The following SMYD3 variants were observed in gnomAD, a reference collection of about 807,000 sequenced individuals.
SMYD3 encodes the protein histone-lysine N-methyltransferase SMYD3.
Under a neutral mutation model 57.7 loss-of-function variants are expected in SMYD3, and 36 were observed. That is an observed-to-expected ratio of 0.62 (90% CI 0.48 to 0.82). The LOEUF (loss-of-function observed/expected upper bound fraction) is 0.82, where lower values mean the gene tolerates loss of function less well. Ranked by LOEUF, SMYD3 falls within the 40% of genes least tolerant of loss-of-function variation. The pLI, the probability that SMYD3 is intolerant of heterozygous loss-of-function variation, is 0.00. For missense variants in SMYD3, 515 were observed against 538.8 expected, an observed-to-expected ratio of 0.96 and a Z score of 0.44; for synonymous variants, 211 against 195.0, an observed-to-expected ratio of 1.08 and a Z score of -0.68.
intron 5 of SMYD3, among the ~76,000 whole-genome samples, chr1:246,255,979 T>TAGACAGAC (rs201080839): frequency 0.026 from 3,783 of 147,750 alleles, 100 homozygotes; most frequent in East Asian, 0.056. Context: ...GATAGATAGA[T>TAGACAGAC]AGATAGATAC....
rs538054843 is a variant in SMYD3 at position 246,453,403 on chromosome 1, T to C, written c.164+53651A>G. Reference sequence around the variant, plus strand: ...AGTGAGAATTTAGTACAGTGGTGGATTACAAAATCACATAAAACTACGATG... The same window carrying C: ...AGTGAGAATTTAGTACAGTGGTGGACTACAAAATCACATAAAACTACGATG... On this transcript the variant is annotated intron_variant, in intron 1 of 11. Coordinates refer to ENST00000490107, the MANE Select transcript of SMYD3 (RefSeq NM_001167740.2). Among the ~76,000 whole-genome samples, 6 of 152,280 alleles carry C rather than the reference T, an allele frequency of 3.9e-5. No homozygotes were observed. In the South Asian group the frequency reaches 1.2e-3, roughly 32 times the overall value.
At chr1:246,478,236 T>C (rs1300272930) in intron 1 of SMYD3, among the ~76,000 whole-genome samples, 1 of 152,240 alleles carries the variant, frequency 6.6e-6, no homozygotes, top group Non-Finnish European at 1.5e-5. Flanking sequence ...TGATAGGAGA[T>C]TTCACTGCAT....
At chr1:245,887,864 G>A (rs1328281164) in intron 8 of SMYD3, among the ~76,000 whole-genome samples, 1 of 152,150 alleles carries the variant, frequency 6.6e-6, no homozygotes, top group Non-Finnish European at 1.5e-5. Flanking sequence ...AAGAAAGAAA[G>A]GGACAAAAGG....
At chr1:246,159,091 T>C (rs1256424212) in intron 5 of SMYD3, among the ~76,000 whole-genome samples, 1 of 152,222 alleles carries the variant, frequency 6.6e-6, no homozygotes, top group African/African-American at 2.4e-5. Context: ...GGCAGTCACA[T>C]TCAATGGAGT....
At chr1:246,472,806 TCTAA>T (rs1288780886) in intron 1 of SMYD3, among the ~76,000 whole-genome samples, 3 of 150,818 alleles carry the variant, frequency 2.0e-5, no homozygotes, top group Non-Finnish European at 4.4e-5. Context: ...GGCAATCATA[TCTAA>T]CTATTTCATT....
chr1:245,939,021 C>T (rs1451029386), intron 5 of SMYD3, among the ~76,000 whole-genome samples: 1 of 151,908 alleles, frequency 6.6e-6, no homozygotes, highest in Admixed American at 6.6e-5. Context: ...TGGCCTGAGG[C>T]TATATTCCCA....
At chr1:246,138,244 C>T (rs1300967376) in intron 5 of SMYD3, among the ~76,000 whole-genome samples, 1 of 152,044 alleles carries the variant, frequency 6.6e-6, no homozygotes, top group Non-Finnish European at 1.5e-5. Context: ...ACAAGACACC[C>T]TCTTCGTATA....
rs544524057 is a variant in SMYD3 at position 246,048,492 on chromosome 1, G to A, written c.532-118555C>T. Among the ~76,000 whole-genome samples the A allele has an allele frequency of 3.9e-5, 6 of 152,268 alleles. No individual in the cohort carries two copies. The South Asian group carries it at 1.0e-3, about 26-fold the overall frequency. ...AATACTGGGTCCATTAATGGGGCAT[G>A]ACTGAATATATCACATTACAGCCAT... On this transcript the variant is annotated intron_variant, in intron 5 of 11. Transcript: ENST00000490107.
intron 1 of SMYD3, among the ~76,000 whole-genome samples, chr1:246,368,360 C>T (rs1044892207): frequency 6.6e-6 from 1 of 152,018 alleles, no homozygotes; most frequent in Non-Finnish European, 1.5e-5. Flanking sequence ...AAACCAGTTA[C>T]CAGACAGTAG....
At chr1:246,002,337 A>G (rs577067263) in intron 5 of SMYD3, among the ~76,000 whole-genome samples, 1 of 66,690 alleles carries the variant, frequency 1.5e-5, no homozygotes, top group Non-Finnish European at 3.9e-5. Flanking sequence ...GGCTCCCGCC[A>G]CCACGCCCGG....
chr1:245,898,355 A>G (rs530922051), intron 8 of SMYD3, among the ~76,000 whole-genome samples: 2 of 152,328 alleles, frequency 1.3e-5, no homozygotes, highest in South Asian at 4.1e-4. Context: ...AAGCTACTTC[A>G]AAATCTTTTG....
At chr1:246,505,924 C>T (rs2068530141) in intron 1 of SMYD3, among the ~76,000 whole-genome samples, 1 of 152,236 alleles carries the variant, frequency 6.6e-6, no homozygotes, top group Non-Finnish European at 1.5e-5. Context: ...CTTCAAGATG[C>T]TGCTCTCTCC....
intron 5 of SMYD3, among the ~76,000 whole-genome samples, chr1:246,279,318 C>G (rs1054304447): frequency 2.6e-5 from 4 of 152,028 alleles, no homozygotes; most frequent in Non-Finnish European, 4.4e-5. Flanking sequence ...GTCAGGAGTT[C>G]CAGACCAGCC....
intron 8 of SMYD3, among the ~76,000 whole-genome samples, chr1:245,873,530 G>A (rs1572563879): frequency 6.6e-6 from 1 of 152,210 alleles, no homozygotes; most frequent in East Asian, 1.9e-4. Flanking sequence ...AGTTCAGGGT[G>A]AGTTTTGTCT....
intron 2 of SMYD3, among the ~76,000 whole-genome samples, 159 bp from the exon 3 acceptor site, chr1:246,335,633 A>C (rs1332048230): frequency 1.3e-5 from 2 of 152,254 alleles, no homozygotes; most frequent in Non-Finnish European, 2.9e-5. Flanking sequence ...AAAATAATCC[A>C]GGATGAGTCT....
chr1:245,984,982 AAC>A (rs1394796889), intron 5 of SMYD3, among the ~76,000 whole-genome samples: 1 of 151,982 alleles, frequency 6.6e-6, no homozygotes, highest in Non-Finnish European at 1.5e-5. Flanking sequence ...ACATGAACTT[AAC>A]AGTTTCCAGG....
intron 3 of SMYD3, among the ~76,000 whole-genome samples, chr1:246,331,934 C>A (rs910722406): frequency 1.3e-4 from 20 of 151,376 alleles, no homozygotes; most frequent in African/African-American, 4.9e-4. Flanking sequence ...CAAACTTAAT[C>A]AATAAATGTT....
intron 1 of SMYD3, among the ~76,000 whole-genome samples, chr1:246,398,363 T>C (rs934241432): frequency 1.3e-5 from 2 of 152,210 alleles, no homozygotes; most frequent in Non-Finnish European, 2.9e-5. Context: ...CGCCCAGAAA[T>C]GGGCAAGGAC....
chr1:245,963,522 A>C (rs10924411), intron 5 of SMYD3, among the ~76,000 whole-genome samples: 21,245 of 151,358 alleles, frequency 0.14, 1,847 homozygotes, highest in East Asian at 0.41. Context: ...GGGAGGGATA[A>C]GCTTTTGTGA....
Sources: gnomAD v4.1 joint callset for allele counts (sites outside exome capture counted in the v4.1 genomes callset) on GRCh38, gnomAD v4.1.1 for gene constraint, MANE v1.5 for transcripts, NCBI Gene and HGNC (gene_info 2026-07-23, HGNC 2026-07-21) for gene names.